Variants in VIPR2 observed in about 807,000 individuals in gnomAD.
VIPR2 encodes vasoactive intestinal peptide receptor 2, also known as vasoactive intestinal polypeptide receptor 2.
VIPR2 carries 48 observed loss-of-function variants against 58.0 expected under a neutral mutation model. The ratio of observed to expected loss-of-function variants is 0.83; its 90% CI spans 0.66 to 1.05. VIPR2 has a LOEUF of 1.05. Among genes scored for constraint, VIPR2 ranks in the 50% least tolerant of loss-of-function variants. The probability of loss-of-function intolerance (pLI) is 0.00; values close to 1 mark genes in which losing one functional copy is unlikely to be tolerated. For synonymous variants in VIPR2, 243 were observed against 235.2 expected (o/e 1.03, Z -0.30); for missense variants, 534 against 558.0 (o/e 0.96, Z 0.43).
chr7:159,121,396 T>A (rs1403413232), intron 2 of VIPR2, among the ~76,000 whole-genome samples: 1 of 152,126 alleles, frequency 6.6e-6, no homozygotes, highest in Non-Finnish European at 1.5e-5. Flanking sequence ...GGACACCACT[T>A]CTGAGTCCAG....
rs1247611649 is a variant in VIPR2 at position 159,035,989 on chromosome 7, C to T, written c.772G>A (p.Ala258Thr). ...AAGTAGAGCCTGGCCGCAGTCCATG[C>T]ACCGATGCAGACGGTGGGGAGGCCT... ...GWGLPTVCIG[A>T]WTAARLYLED... is the part of the protein sequence containing the mutation. Residue 258 changes from alanine (A) to threonine (T), a missense_variant, in exon 8 of 13, where the codon GCA (alanine) becomes ACA (threonine). By Grantham distance (58) the Ala-to-Thr change is moderately conservative. This residue lies in a region of VIPR2 where 306 missense variants were observed against 285.8 expected (regional missense o/e 1.07). Coordinates refer to ENST00000262178, the MANE Select transcript of VIPR2 (RefSeq NM_003382.5). 1.2e-6 allele frequency: 2 copies of T among 1,613,576 alleles called. No individual in the cohort carries two copies. Among genetic ancestry groups the T allele is most frequent in the African/African-American group, 2.7e-5 (2 of 75,040 alleles).
chr7:159,110,736 T>A (rs1189749750), intron 2 of VIPR2, among the ~76,000 whole-genome samples: 1 of 152,046 alleles, frequency 6.6e-6, no homozygotes, highest in Non-Finnish European at 1.5e-5. Flanking sequence ...ACAATCAGTT[T>A]TCCTTTCAGC....
chr7:159,069,139 C>T (rs796694686), intron 4 of VIPR2, among the ~76,000 whole-genome samples: 33 of 152,290 alleles, frequency 2.2e-4, no homozygotes, highest in African/African-American at 7.0e-4. Flanking sequence ...CCTGGCTGTG[C>T]GGTGTCCACT....
At chr7:159,123,211 T>G (rs1275005479) in intron 2 of VIPR2, among the ~76,000 whole-genome samples, 1 of 134,434 alleles carries the variant, frequency 7.4e-6, no homozygotes, top group Non-Finnish European at 1.5e-5. Context: ...GAGAATCGCT[T>G]CAACCCAGGA....
At chr7:159,062,346 C>T (rs577949166) in intron 4 of VIPR2, among the ~76,000 whole-genome samples, 2 of 152,284 alleles carry the variant, frequency 1.3e-5, no homozygotes, top group South Asian at 4.2e-4. Flanking sequence ...AGAACTAAGA[C>T]ACGGACCCTC....
chr7:159,123,589 T>C (rs1040123228), intron 2 of VIPR2, among the ~76,000 whole-genome samples: 1 of 152,216 alleles, frequency 6.6e-6, no homozygotes, highest in Admixed American at 6.5e-5. Flanking sequence ...ATGTCTTTGC[T>C]ATTGTGAATG....
At position 159,030,751 on chromosome 7, in the gene VIPR2, G is replaced by A. The variant is rs781021257; in HGVS notation, c.1182C>T (p.Cys394=). ...CELKRKWRSR[C]PTPSASRDYR... is the part of the protein sequence containing the mutation. ...AATCCCGGCTCGCGGACGGGGTCGG[G>A]CACCGGCTTCGCCATTTTCGCTTCA... Residue 394 remains cysteine, a synonymous_variant, in exon 13 of 13, where the codon TGC becomes TGT. Transcript: ENST00000262178. 3 of 1,590,536 alleles carry A rather than the reference G, an allele frequency of 1.9e-6. No homozygotes were observed. Among genetic ancestry groups the A allele is most frequent in the South Asian group, 1.1e-5 (1 of 87,584 alleles).
intron 2 of VIPR2, among the ~76,000 whole-genome samples, chr7:159,131,692 C>T (rs1796920576): frequency 1.3e-5 from 2 of 152,182 alleles, no homozygotes; most frequent in African/African-American, 2.4e-5. Flanking sequence ...GCTTAATAAA[C>T]CTCTTGAAAC....
intron 4 of VIPR2, among the ~76,000 whole-genome samples, chr7:159,062,725 A>G (rs7787628): frequency 0.025 from 3,865 of 152,284 alleles, 181 homozygotes; most frequent in African/African-American, 0.088. Flanking sequence ...CGACTGCCAC[A>G]GCACATAAGG....
chr7:159,035,687 C>T (rs1853897439), intron 8 of VIPR2: 9 of 985,098 alleles, frequency 9.1e-6, no homozygotes, highest in Non-Finnish European at 1.1e-5. Flanking sequence ...GCAGGGGCTG[C>T]CCCAGTCTCT....
intron 2 of VIPR2, among the ~76,000 whole-genome samples, chr7:159,110,195 C>T (rs193052867): frequency 9.6e-4 from 146 of 152,310 alleles, no homozygotes; most frequent in African/African-American, 3.2e-3. Context: ...ATCAGCATTT[C>T]CTAGTGTGAT....
intron 4 of VIPR2, among the ~76,000 whole-genome samples, chr7:159,061,348 G>A (rs1489466810): frequency 2.3e-4 from 31 of 136,910 alleles, no homozygotes; most frequent in Admixed American, 3.7e-4. Flanking sequence ...AATAAAAGTT[G>A]AAAAAAAAAA....
At chr7:159,143,952 A>G (rs1797580253) in intron 1 of VIPR2, among the ~76,000 whole-genome samples, 3 of 152,334 alleles carry the variant, frequency 2.0e-5, no homozygotes, top group African/African-American at 7.2e-5. Context: ...TCGCCGGTTA[A>G]TCAATGACAC....
At chr7:159,080,642 A>G (rs2129494879) in intron 4 of VIPR2, among the ~76,000 whole-genome samples, 1 of 152,364 alleles carries the variant, frequency 6.6e-6, no homozygotes, top group East Asian at 1.9e-4. Flanking sequence ...AGAAGGAAAT[A>G]AAGGGCATCA....
At chr7:159,129,191 T>C (rs1257622910) in intron 2 of VIPR2, among the ~76,000 whole-genome samples, 1 of 132,334 alleles carries the variant, frequency 7.6e-6, no homozygotes. Flanking sequence ...TCACACTCTG[T>C]TCCCTCAAAC....
chr7:159,089,665 A>C (rs1373425373), intron 4 of VIPR2, among the ~76,000 whole-genome samples: 1 of 152,236 alleles, frequency 6.6e-6, no homozygotes, highest in African/African-American at 2.4e-5. Flanking sequence ...ACAAGTCTTT[A>C]CATGCTTTAC....
At chr7:159,072,131 A>C (rs1305748457) in intron 4 of VIPR2, among the ~76,000 whole-genome samples, 1 of 148,262 alleles carries the variant, frequency 6.7e-6, no homozygotes, top group African/African-American at 2.6e-5. Context: ...GTAAGAAAAC[A>C]TACATCACTA....
intron 5 of VIPR2, among the ~76,000 whole-genome samples, chr7:159,052,139 G>T (rs974439597): frequency 1.3e-5 from 2 of 152,170 alleles, no homozygotes; most frequent in African/African-American, 4.8e-5. Context: ...TCAGAGGACT[G>T]AAAGTTGGTT....
chr7:159,101,509 G>A (rs180698458), intron 4 of VIPR2, among the ~76,000 whole-genome samples: 4,707 of 107,172 alleles, frequency 0.044, 120 homozygotes, highest in Non-Finnish European at 0.051. Flanking sequence ...CGTTCCTGTG[G>A]TAGTGAACGG....
Sources: gnomAD v4.1 joint callset for allele counts (sites outside exome capture counted in the v4.1 genomes callset) on GRCh38, gnomAD v4.1.1 for gene constraint, gnomAD v4.1.1 regional missense constraint, MANE v1.5 for transcripts, NCBI Gene and HGNC (gene_info 2026-07-23, HGNC 2026-07-21) for gene names.